The following GRM1 variants were observed in gnomAD, a reference collection of about 807,000 sequenced individuals.
The protein encoded by GRM1 is glutamate metabotropic receptor 1.
In GRM1, 33 loss-of-function variants were observed where a neutral mutation model predicts 90.9. That is an observed-to-expected ratio of 0.36 (90% CI 0.28 to 0.49). The LOEUF (loss-of-function observed/expected upper bound fraction) is 0.49. Among genes scored for constraint, GRM1 ranks in the 20% least tolerant of loss-of-function variants. The pLI, the probability that GRM1 is intolerant of heterozygous loss-of-function variation, is 0.99. For missense variants in GRM1, 1,190 were observed against 1,534.3 expected (o/e 0.78, Z 3.75); for synonymous variants, 700 against 613.2 (o/e 1.14, Z -2.09).
chr6:146,057,942 A>T (rs894966249), intron 1 of GRM1, among the ~76,000 whole-genome samples: 1 of 152,038 alleles, frequency 6.6e-6, no homozygotes, highest in African/African-American at 2.4e-5. Flanking sequence ...TTTAGTGGTG[A>T]TATGTGAGAT....
chr6:146,432,436 T>C (rs1176184048), intron 7 of GRM1, among the ~76,000 whole-genome samples: 1 of 152,214 alleles, frequency 6.6e-6, no homozygotes, highest in Non-Finnish European at 1.5e-5. Flanking sequence ...TGCTCACATA[T>C]AATTTTTGAA....
At chr6:146,094,159 C>T (rs1481612151) in intron 1 of GRM1, among the ~76,000 whole-genome samples, 1 of 151,944 alleles carries the variant, frequency 6.6e-6, no homozygotes, top group East Asian at 1.9e-4. Flanking sequence ...ATTTGTTAAC[C>T]GTATTAAATT....
At chr6:146,331,279 C>T (rs891691399) in intron 3 of GRM1, among the ~76,000 whole-genome samples, 2 of 152,160 alleles carry the variant, frequency 1.3e-5, no homozygotes, top group African/African-American at 4.8e-5. Flanking sequence ...AGAGCTATAG[C>T]TCACCACGGC....
At chr6:146,033,473 G>T (rs187533543) in intron 1 of GRM1, among the ~76,000 whole-genome samples, 91 of 152,162 alleles carry the variant, frequency 6.0e-4, no homozygotes, top group African/African-American at 2.1e-3. Flanking sequence ...CAATAAAAAT[G>T]TTCTTTGAGT....
At chr6:146,140,542 T>A (rs1234985845) in intron 1 of GRM1, among the ~76,000 whole-genome samples, 1 of 152,192 alleles carries the variant, frequency 6.6e-6, no homozygotes, top group African/African-American at 2.4e-5. Flanking sequence ...ATTCTGGGAT[T>A]ATAGGCATGA....
chr6:146,371,140 A>AATAAACATGG (rs1436189086), intron 5 of GRM1, among the ~76,000 whole-genome samples: 1 of 152,080 alleles, frequency 6.6e-6, no homozygotes, highest in African/African-American at 2.4e-5. Context: ...ATGCAAAGGA[A>AATAAACATGG]ATAAACATGG....
intron 2 of GRM1, among the ~76,000 whole-genome samples, chr6:146,170,622 A>C (rs1466704807): frequency 6.6e-6 from 1 of 151,984 alleles, no homozygotes; most frequent in Non-Finnish European, 1.5e-5. Context: ...CTTGTTTTTT[A>C]ATAACTTCTG....
At chr6:146,344,372 T>C (rs1278921534) in intron 3 of GRM1, among the ~76,000 whole-genome samples, 1 of 152,236 alleles carries the variant, frequency 6.6e-6, no homozygotes, top group Non-Finnish European at 1.5e-5. Context: ...ATCCTTCTTA[T>C]TGTAGAATCT....
At chr6:146,120,448 G>T (rs1164653418) in intron 1 of GRM1, among the ~76,000 whole-genome samples, 2 of 151,944 alleles carry the variant, frequency 1.3e-5, no homozygotes, top group Non-Finnish European at 2.9e-5. Flanking sequence ...CTGCCTGATT[G>T]CCCTGGCCAG....
At chr6:146,292,505 C>G (rs1288149249) in intron 2 of GRM1, among the ~76,000 whole-genome samples, 1 of 151,866 alleles carries the variant, frequency 6.6e-6, no homozygotes, top group South Asian at 2.1e-4. Context: ...AAGTGACCAA[C>G]AAGCACAGGA....
At chr6:146,109,299 G>T (rs1421801080) in intron 1 of GRM1, among the ~76,000 whole-genome samples, 3 of 152,178 alleles carry the variant, frequency 2.0e-5, no homozygotes, top group African/African-American at 7.2e-5. Flanking sequence ...GCAGTCTAGG[G>T]ACTTGATGCC....
At chr6:146,118,761 G>A (rs1421322245) in intron 1 of GRM1, among the ~76,000 whole-genome samples, 4 of 152,210 alleles carry the variant, frequency 2.6e-5, no homozygotes, top group Admixed American at 6.5e-5. Flanking sequence ...CCCTACAAAG[G>A]ACATGAACTC....
chr6:146,419,106 C>T (rs1413172111), intron 7 of GRM1, among the ~76,000 whole-genome samples: 2 of 152,216 alleles, frequency 1.3e-5, no homozygotes, highest in Non-Finnish European at 1.5e-5. Context: ...TGTACAGGAA[C>T]TTGACAAACA....
chr6:146,352,235 T>G lies in GRM1; in HGVS notation c.1187-15T>G. 6.2e-7 allele frequency: 1 copy of G among 1,612,728 alleles called. No individual in the cohort carries two copies. On this transcript the variant is annotated splice_polypyrimidine_tract_variant and intron_variant, in intron 3 of 7. Transcript: ENST00000282753. ...TCATTGTGACCTTGGTAGTGATCTA[T>G]TTTTATTGTTACAGGCAATGAAAGC...
Position 146,030,110 on chromosome 6 carries a change from A to G in GRM1, c.593A>G (p.Tyr198Cys). 1 of 1,614,164 alleles carries G rather than the reference A, an allele frequency of 6.2e-7. No individual in the cohort carries two copies. The highest frequency in any genetic ancestry group is 8.5e-7 in the Non-Finnish European group (1 of 1,180,002). ...ATCGACCTGAGTGACAAAACTTTGT[A>G]CAAATACTTCCTGAGGGTTGTCCCT... ...TSIDLSDKTL[Y>C]KYFLRVVPSD... The change falls in exon 1 of 8, where the codon TAC becomes TGC. Residue 198 changes from tyrosine (Y) to cysteine (C), a missense_variant. Transcript: ENST00000282753.
chr6:146,130,078 G>A (rs1283475753), intron 1 of GRM1, among the ~76,000 whole-genome samples: 2 of 152,046 alleles, frequency 1.3e-5, no homozygotes, highest in Admixed American at 6.6e-5. Flanking sequence ...GTATATTTAA[G>A]ATGATTAGTG....
chr6:146,160,487 G>A (rs1043756888), intron 2 of GRM1, among the ~76,000 whole-genome samples: 2 of 152,156 alleles, frequency 1.3e-5, no homozygotes, highest in African/African-American at 4.8e-5. Flanking sequence ...AACCTACTGA[G>A]TTTACCTGAT....
chr6:146,391,223 T>G (rs757308534), intron 6 of GRM1, among the ~76,000 whole-genome samples: 4 of 152,068 alleles, frequency 2.6e-5, no homozygotes, highest in Non-Finnish European at 5.9e-5. Flanking sequence ...ATAAGGATCT[T>G]ATAAGTACCC....
chr6:146,403,667 C>T (rs765681553), intron 7 of GRM1, among the ~76,000 whole-genome samples: 1 of 151,970 alleles, frequency 6.6e-6, no homozygotes, highest in African/African-American at 2.4e-5. Context: ...TCATTATGTC[C>T]TGGGTAAGCA....
Sources: allele counts gnomAD v4.1 joint callset (sites outside exome capture counted in the v4.1 genomes callset), GRCh38; gene constraint gnomAD v4.1.1; transcripts MANE v1.5; gene names NCBI Gene and HGNC (gene_info 2026-07-23, HGNC 2026-07-21).